RHOBTB2: variants seen among roughly 807,000 people sequenced by gnomAD.
The protein encoded by RHOBTB2 is Rho related BTB domain containing 2, also known as rho-related BTB domain-containing protein 2.
In RHOBTB2, 39 loss-of-function variants were observed where a neutral mutation model predicts 66.5. The ratio of observed to expected loss-of-function variants is 0.59; its 90% CI spans 0.45 to 0.77. The LOEUF is 0.77. Among genes scored for constraint, RHOBTB2 ranks in the 30% least tolerant of loss-of-function variants. RHOBTB2 has a pLI of 0.00. For missense variants in RHOBTB2, 755 were observed against 999.1 expected, an observed-to-expected ratio of 0.76 and a Z score of 3.29; for synonymous variants, 390 against 395.0, an observed-to-expected ratio of 0.99 and a Z score of 0.15.
chr8:22,976,150 A>G, the RHOBTB2 span, among the ~76,000 whole-genome samples: 8 of 152,040 alleles, frequency 5.3e-5, no homozygotes, highest in African/African-American at 1.9e-4. Context: ...TGTCTCAAAA[A>G]ATAAATAAAT....
the RHOBTB2 span, among the ~76,000 whole-genome samples, chr8:22,971,879 G>C: frequency 2.0e-5 from 3 of 152,162 alleles, no homozygotes; most frequent in Non-Finnish European, 4.4e-5. Flanking sequence ...CCCTATCTAA[G>C]TTGATTTACC....
chr8:23,007,773 G>C (rs1410673344), intron 5 of RHOBTB2, 27 bp downstream of exon 5: 1 of 1,605,976 alleles, frequency 6.2e-7, no homozygotes, highest in South Asian at 1.1e-5. Context: ...GAAAGCAAGG[G>C]GGTTCTGCAT....
At chr8:23,014,543 C>G (rs982743563) in intron 7 of RHOBTB2, 147 bp from the exon 8 acceptor site, 8 of 649,118 alleles carry the variant, frequency 1.2e-5, no homozygotes, top group Admixed American at 1.1e-4. Flanking sequence ...TGGCAGCAGA[C>G]GTCATAGCCT....
In RHOBTB2 at chr8:23,006,488, T is replaced by A; in HGVS notation, c.483-240T>A. On this transcript the variant is annotated intron_variant, in intron 4 of 9. Coordinates refer to ENST00000251822, the MANE Select transcript of RHOBTB2 (RefSeq NM_015178.3). This position sits in a 1 kb window ranked among gnomAD's most constrained non-coding sequence, Gnocchi z 6.1. ...CTGCTAATTGCCAGAGAGGCAGTGC[T>A]GTCACGGCTTTGTACTGGGGAGGTC... 1 of 570,122 alleles carries A rather than the reference T, an allele frequency of 1.8e-6. No individual in the cohort carries two copies. Among genetic ancestry groups the A allele is most frequent in the East Asian group, 2.8e-5 (1 of 35,402 alleles). 35.3% of individuals were successfully genotyped at this position (570,122 alleles called of 1,614,324 possible). A position where few individuals can be genotyped will look rare whatever the true frequency, so the allele number is the denominator to read the frequency against.
the RHOBTB2 span, among the ~76,000 whole-genome samples, chr8:22,958,802 G>GAAAAAA: frequency 1.2e-3 from 61 of 52,124 alleles, 7 homozygotes; most frequent in South Asian, 2.7e-3. Flanking sequence ...GCCCCTCTCT[G>GAAAAAA]AAAAAAAAAA....
chr8:23,006,682 C>T lies in RHOBTB2; in HGVS notation c.483-46C>T, dbSNP rs1247125297. ...CAGCCTGTGGAAGAACAGGCAGCCT[C>T]CCTCCACCACCAACACAAGCTTGGT... On this transcript the variant is annotated intron_variant, in intron 4 of 9. Coordinates refer to ENST00000251822, the MANE Select transcript of RHOBTB2 (RefSeq NM_015178.3). The surrounding 1 kb of genome is among the most constrained non-coding windows in gnomAD (Gnocchi z 6.1). 1.3e-6 allele frequency: 2 copies of T among 1,550,712 alleles called. No homozygotes were observed. The highest frequency in any genetic ancestry group is 1.8e-6 in the Non-Finnish European group (2 of 1,139,172).
At chr8:23,008,171 T>A (rs868773574) in intron 6 of RHOBTB2, 60 bp downstream of exon 6, 20 of 1,145,560 alleles carry the variant, frequency 1.7e-5, no homozygotes, top group Non-Finnish European at 2.2e-5. Flanking sequence ...CCTTTACATC[T>A]GAGGCACTGC....
chr8:22,958,149 T>C, the RHOBTB2 span, among the ~76,000 whole-genome samples: 3 of 152,330 alleles, frequency 2.0e-5, no homozygotes, highest in African/African-American at 7.2e-5. Flanking sequence ...TGGAGGCCTG[T>C]CTGTTCAGCA....
the RHOBTB2 span, among the ~76,000 whole-genome samples, chr8:22,981,172 G>C: frequency 6.6e-6 from 1 of 152,116 alleles, no homozygotes; most frequent in Non-Finnish European, 1.5e-5. Flanking sequence ...CTTTTCTTAC[G>C]ATCTCATTTC....
At chr8:23,005,920 A>C (rs770002675) in intron 3 of RHOBTB2, 40 bp from the exon 4 acceptor site, 133 of 1,580,992 alleles carry the variant, frequency 8.4e-5, no homozygotes, top group Non-Finnish European at 1.1e-4. Flanking sequence ...GTAAGCTACC[A>C]CTTGTTTCTC....
rs750133948 is a variant in RHOBTB2, at chr8:23,010,654, C to T, written c.1737C>T (p.Asn579=). The change falls in exon 7 of 10, where the codon AAC becomes AAT. Residue 579 remains asparagine (N), a synonymous_variant. Transcript: ENST00000251822. ...ACATGAAGCTCATCATTCTAGCCAA[C>T]CGCCTCTGCCTGCCACACCTGGTTG... ...LDDMKLIILA[N]RLCLPHLVAL... is the part of the protein sequence containing the mutation. 1 of 1,614,214 alleles carries T rather than the reference C, an allele frequency of 6.2e-7. No homozygotes were observed. The highest frequency in any genetic ancestry group is 8.5e-7 in the Non-Finnish European group (1 of 1,180,022).
chr8:23,017,599 CTCT>C lies in RHOBTB2; in HGVS notation c.*135_*137del, dbSNP rs1420175154. ...CGTAACCAGGACCCAGAGGGTGGAGCTCTTCTTACCAGCCACCGTGGCTCAGCC... is the reference window on the plus strand; with the variant it reads ...CGTAACCAGGACCCAGAGGGTGGAGCTCTTACCAGCCACCGTGGCTCAGCC... On this transcript the variant is annotated 3_prime_UTR_variant, in exon 10 of 10. Transcript: ENST00000251822. This position sits in a 1 kb window ranked among gnomAD's most constrained non-coding sequence, Gnocchi z 5.3. 7.2e-7 allele frequency: 1 copy of C among 1,395,262 alleles called. No individual in the cohort carries two copies. Among genetic ancestry groups the C allele is most frequent in the Non-Finnish European group, 9.6e-7 (1 of 1,041,768 alleles). The allele number at this position is 1,395,262 out of a possible 1,614,324, so 86.4% of individuals were successfully genotyped here. A position where few individuals can be genotyped will look rare whatever the true frequency, so the allele number is the denominator to read the frequency against.
At chr8:22,956,698 G>A in the RHOBTB2 span, among the ~76,000 whole-genome samples, 20 of 152,240 alleles carry the variant, frequency 1.3e-4, 1 homozygote, top group South Asian at 4.1e-3. Flanking sequence ...TTTTGCTCTT[G>A]TTGCCCAAGC....
chr8:22,955,132 A>C, the RHOBTB2 span, among the ~76,000 whole-genome samples: 1 of 152,258 alleles, frequency 6.6e-6, no homozygotes, highest in East Asian at 1.9e-4. Flanking sequence ...CTCTGTCTCA[A>C]AAAAAAGAAA....
chr8:23,008,589 C>G (rs1323334884), intron 6 of RHOBTB2, among the ~76,000 whole-genome samples: 1 of 152,054 alleles, frequency 6.6e-6, no homozygotes, highest in Non-Finnish European at 1.5e-5. Flanking sequence ...GAGAGGCCCA[C>G]AGATTGCAAG....
At chr8:22,969,625 A>G in the RHOBTB2 span, among the ~76,000 whole-genome samples, 872 of 152,362 alleles carry the variant, frequency 5.7e-3, 10 homozygotes, top group Middle Eastern at 0.027. Flanking sequence ...TATATAATTT[A>G]ACCGAGATAT....
the RHOBTB2 span, among the ~76,000 whole-genome samples, chr8:22,972,627 G>A: frequency 6.6e-6 from 1 of 152,180 alleles, no homozygotes; most frequent in Non-Finnish European, 1.5e-5. Flanking sequence ...TTGCTCAGTG[G>A]TTCTCAAACA....
chr8:22,952,274 A>G, the RHOBTB2 span, among the ~76,000 whole-genome samples: 1 of 151,896 alleles, frequency 6.6e-6, no homozygotes, highest in Non-Finnish European at 1.5e-5. Flanking sequence ...CACCAGCTGA[A>G]CCACCTGGTA....
At chr8:22,994,891 G>A (rs565780034), upstream of RHOBTB2, among the ~76,000 whole-genome samples, 13 of 152,106 alleles carry the variant, frequency 8.5e-5, no homozygotes, top group East Asian at 7.7e-4. Flanking sequence ...TCAGCCTCCC[G>A]AGTAGCTGGG....
Sources: gnomAD v4.1 joint callset for allele counts (sites outside exome capture counted in the v4.1 genomes callset) on GRCh38, gnomAD v4.1.1 for gene constraint, Gnocchi (gnomAD v3.1) non-coding constraint, MANE v1.5 for transcripts, NCBI Gene and HGNC (gene_info 2026-07-23, HGNC 2026-07-21) for gene names.